MCAT: variants seen among roughly 807,000 people sequenced by gnomAD.
MCAT encodes the protein malonyl-CoA-acyl carrier protein transacylase, mitochondrial.
MCAT carries 22 observed loss-of-function variants against 22.9 expected under a neutral mutation model. That is an observed-to-expected ratio of 0.96 (90% CI 0.69 to 1.37). The LOEUF (loss-of-function observed/expected upper bound fraction) is 1.37. MCAT is among the 40% of genes most tolerant of loss of function. The pLI, the probability that MCAT is intolerant of heterozygous loss-of-function variation, is 0.00. For missense variants in MCAT, 534 were observed against 533.6 expected, an observed-to-expected ratio of 1.00 and a Z score of -0.01; for synonymous variants, 240 against 233.9, an observed-to-expected ratio of 1.03 and a Z score of -0.24.
At chr22:43,136,306 A>G (rs1200509017) in intron 3 of MCAT, among the ~76,000 whole-genome samples, 1 of 152,260 alleles carries the variant, frequency 6.6e-6, no homozygotes, top group Non-Finnish European at 1.5e-5. Flanking sequence ...TGTGAGGGAC[A>G]TGAAGTAAGA....
intron 2 of MCAT, chr22:43,140,926 T>C (rs1930749699): frequency 3.6e-6 from 2 of 552,914 alleles, no homozygotes; most frequent in Admixed American, 6.1e-5. Flanking sequence ...GATAGCGGGT[T>C]AGACAGTTCA....
chr22:43,141,895 ATCTGT>A (rs1481202579), intron 1 of MCAT, among the ~76,000 whole-genome samples: 1 of 152,186 alleles, frequency 6.6e-6, no homozygotes, highest in East Asian at 1.9e-4. Flanking sequence ...TTTTTATCTC[ATCTGT>A]GAAATGAGGG....
chr22:43,132,688 T>C lies in MCAT; in HGVS notation c.*355A>G. On this transcript the variant is annotated 3_prime_UTR_variant, in exon 4 of 4. Transcript: ENST00000290429. The stretch of plus-strand genomic sequence containing the variant: ...GGCCACACCAGCATGTTCTCAGCAC[T>C]CACAGAGCAGGACAGGCTGCAGCAG... 1 of 238,722 alleles carries C rather than the reference T, an allele frequency of 4.2e-6. No individual in the cohort carries two copies. The highest frequency in any genetic ancestry group is 7.3e-5 in the South Asian group (1 of 13,724). The allele number at this position is 238,722 out of a possible 1,614,324, so 14.8% of individuals were successfully genotyped here. A position where few individuals can be genotyped will look rare whatever the true frequency, so the allele number is the denominator to read the frequency against.
Position 43,133,373 on chromosome 22 carries a change from CAG to C in MCAT, c.841_842del (p.Leu281AspfsTer10), listed in dbSNP as rs1256655949. The C allele has an allele frequency of 8.7e-6, 14 of 1,614,038 alleles. No homozygotes were observed. The African/African-American group carries it at 1.2e-4, about 14-fold the overall frequency. ...TRLMEPAVEP[L>X]TQALKAVDIK... ...TGTCGACTGCCTTTAAAGCTTGCGT[CAG>C]GGGCTCCACGGCTGGCTCCATGAGG... On this transcript the variant is annotated frameshift_variant, in exon 4 of 4. Transcript: ENST00000290429. LOFTEE classifies it low-confidence loss of function (END_TRUNC).
intron 1 of MCAT, 86 bp downstream of exon 1, chr22:43,142,840 G>A: frequency 7.5e-7 from 1 of 1,333,034 alleles, no homozygotes; most frequent in Non-Finnish European, 9.8e-7. Flanking sequence ...GGGAGCCCCC[G>A]GAATGGCAGG....
chr22:43,133,807 CT>C (rs59733103), intron 3 of MCAT, among the ~76,000 whole-genome samples: 344 of 141,144 alleles, frequency 2.4e-3, no homozygotes, highest in Admixed American at 3.4e-3. Flanking sequence ...AATGAGAATT[CT>C]TTTTTTTTTT....
intron 1 of MCAT, 117 bp from the exon 2 acceptor site, chr22:43,141,366 T>G: frequency 1.3e-6 from 1 of 799,956 alleles, no homozygotes; most frequent in South Asian, 1.4e-5. Flanking sequence ...TTCTACGAAC[T>G]TGGTGCACCA....
chr22:43,135,510 C>CAAA (rs1300123609), intron 3 of MCAT, among the ~76,000 whole-genome samples: 1,396 of 76,314 alleles, frequency 0.018, 35 homozygotes, highest in African/African-American at 0.047. Context: ...TCTCAAAAAA[C>CAAA]AAAAAAAAAA....
At chr22:43,133,587 AC>A in intron 3 of MCAT, 101 bp from the exon 4 acceptor site, 1 of 822,476 alleles carries the variant, frequency 1.2e-6, no homozygotes, top group Non-Finnish European at 1.9e-6. Context: ...CCACAAAGAG[AC>A]CCACAGCTGC....
At position 43,138,022 on chromosome 22, in the gene MCAT, G is replaced by A. The variant is rs182849417; in HGVS notation, c.512-724C>T. Among the ~76,000 whole-genome samples the A allele has an allele frequency of 6.6e-5, 10 of 151,948 alleles. No individual in the cohort carries two copies. In the South Asian group the frequency reaches 1.0e-3, roughly 16 times the overall value. On this transcript the variant is annotated intron_variant, in intron 2 of 3. Transcript: ENST00000290429. ...AGGACGGCTTGAGCCCAAGGAGCTCGACACCAGCCTGAGCAACATAGGGAG... is the reference window on the plus strand; with the variant it reads ...AGGACGGCTTGAGCCCAAGGAGCTCAACACCAGCCTGAGCAACATAGGGAG...
In MCAT at chr22:43,135,090, CCCAGGCATTGGG is replaced by C. The variant is rs1312598037; in HGVS notation, c.730-1616_730-1605del. On this transcript the variant is annotated intron_variant, in intron 3 of 3. Transcript: ENST00000290429. Reference sequence around the variant, plus strand: ...CTCCTCTCCAATGGCCAGTCCTTGGCCCAGGCATTGGGCGAGCAGGGCCCAGGAGCCTTTTCA... The same window carrying C: ...CTCCTCTCCAATGGCCAGTCCTTGGCCGAGCAGGGCCCAGGAGCCTTTTCA... Among the ~76,000 whole-genome samples, 17 of 152,388 alleles carry C rather than the reference CCCAGGCATTGGG, an allele frequency of 1.1e-4. No homozygotes were observed. The South Asian group carries it at 3.3e-3, about 30-fold the overall frequency.
chr22:43,139,385 G>A (rs1016528299), intron 2 of MCAT, among the ~76,000 whole-genome samples: 13 of 152,058 alleles, frequency 8.5e-5, no homozygotes, highest in Admixed American at 4.6e-4. Context: ...AATTAGCTGG[G>A]CATGATGGTG....
intron 3 of MCAT, among the ~76,000 whole-genome samples, chr22:43,135,379 C>T (rs890593302): frequency 6.6e-6 from 1 of 152,124 alleles, no homozygotes; most frequent in Admixed American, 6.5e-5. Context: ...TGGCATGCAC[C>T]TGTAGTCCCA....
intron 1 of MCAT, among the ~76,000 whole-genome samples, chr22:43,142,436 A>G (rs568715076): frequency 6.6e-6 from 1 of 151,992 alleles, no homozygotes; most frequent in African/African-American, 2.4e-5. Context: ...GCAGTGAGCC[A>G]AGACTGCGCC....
In MCAT at chr22:43,143,341, A is replaced by T. The variant is rs554865988; in HGVS notation, c.8T>A (p.Val3Asp). Residue 3 changes from valine to aspartate, a missense_variant, in exon 1 of 4, where the codon GTC becomes GAC. Coordinates refer to ENST00000290429, the MANE Select transcript of MCAT (RefSeq NM_173467.5). Reference protein sequence around the residue: MSVRVARVAWVRG... With the variant: MSDRVARVAWVRG... Reference sequence around the variant, plus strand: ...GACCCACGCTACCCGTGCGACCCGGACGCTCATGGTCGGACACCTGCCCGC... The same window carrying T: ...GACCCACGCTACCCGTGCGACCCGGTCGCTCATGGTCGGACACCTGCCCGC... 1.8e-4 allele frequency: 253 copies of T among 1,384,740 alleles called. 1 individual carries two copies. In the South Asian group the frequency reaches 3.9e-3, roughly 22 times the overall value. 85.8% of individuals were successfully genotyped at this position (1,384,740 alleles called of 1,614,324 possible). A position where few individuals can be genotyped will look rare whatever the true frequency, so the allele number is the denominator to read the frequency against.
In MCAT at chr22:43,133,047, C is replaced by G; in HGVS notation, c.1169G>C (p.Arg390Thr). 6.2e-7 allele frequency: 1 copy of G among 1,613,102 alleles called. No homozygotes were observed. Among genetic ancestry groups the G allele is most frequent in the South Asian group, 1.1e-5 (1 of 91,066 alleles). ...TCGCATTTGAGCCCCCTGCAGTCATCTCGGGGGCTCCTGAGGGTCCAGGTC... is the reference window on the plus strand; with the variant it reads ...TCGCATTTGAGCCCCCTGCAGTCATGTCGGGGGCTCCTGAGGGTCCAGGTC... ...HVDLDPQEPP[R>T] The change falls in exon 4 of 4, where the codon AGA (arginine) becomes ACA (threonine). Residue 390 changes from arginine (R) to threonine (T), a missense_variant. By Grantham distance (71) the Arg-to-Thr change is moderately conservative. Transcript: ENST00000290429.
chr22:43,134,712 G>A (rs757103921), intron 3 of MCAT, among the ~76,000 whole-genome samples: 12 of 152,180 alleles, frequency 7.9e-5, no homozygotes, highest in Non-Finnish European at 1.3e-4. Flanking sequence ...TGACCACTGA[G>A]GTGTGGGCTA....
At position 43,137,101 on chromosome 22, in the gene MCAT, C is replaced by T. The variant is rs772845218; in HGVS notation, c.709G>A (p.Val237Met). 2 of 1,614,166 alleles carry T rather than the reference C, an allele frequency of 1.2e-6. No homozygotes were observed. Among genetic ancestry groups the T allele is most frequent in the South Asian group, 2.2e-5 (2 of 91,088 alleles). Reference protein sequence around the residue: ...VSNYLFPDCRVISGHQEALRF... With the variant: ...VSNYLFPDCRMISGHQEALRF... ...CCCACCTCTTGGTGTCCTGAAATCA[C>T]CCTGCAATCTGGAAAGAGGTAGTTG... The change falls in exon 3 of 4, where the codon GTG (valine) becomes ATG (methionine). Residue 237 changes from valine to methionine, a missense_variant. Transcript: ENST00000290429.
chr22:43,141,201 C>A lies in MCAT; in HGVS notation c.472G>T (p.Ala158Ser). The A allele has an allele frequency of 6.2e-7, 1 of 1,614,130 alleles. No homozygotes were observed. Among genetic ancestry groups the A allele is most frequent in the Non-Finnish European group, 8.5e-7 (1 of 1,180,030 alleles). The change falls in exon 2 of 4, where the codon GCA becomes TCA. Residue 158 changes from alanine (A) to serine (S), a missense_variant. Physicochemically the swap from Ala to Ser is moderately conservative, Grantham distance 99. Transcript: ENST00000290429. ...ATGGCTCCGGCAAACACTAGGGCTG[C>A]AAACTCTCCCACACTGAATCCAGCA... is the stretch of plus-strand genomic sequence containing the variant. ...AAAGFSVGEF[A>S]ALVFAGAMEF...
Sources: gnomAD v4.1 joint callset for allele counts (sites outside exome capture counted in the v4.1 genomes callset) on GRCh38, gnomAD v4.1.1 for gene constraint, MANE v1.5 for transcripts, NCBI Gene and HGNC (gene_info 2026-07-23, HGNC 2026-07-21) for gene names.